Variants in OPCML observed in about 807,000 individuals in gnomAD.
OPCML encodes opioid-binding protein/cell adhesion molecule.
In OPCML, 13 loss-of-function variants were observed where a neutral mutation model predicts 37.8. That is an observed-to-expected ratio of 0.34 (90% CI 0.22 to 0.55). The LOEUF (loss-of-function observed/expected upper bound fraction) is 0.55, where lower values mean the gene tolerates loss of function less well. Among genes scored for constraint, OPCML ranks in the 20% least tolerant of loss-of-function variants. The pLI is 0.91. For synonymous variants in OPCML, 176 were observed against 168.8 expected (o/e 1.04, Z -0.33); for missense variants, 341 against 435.6 (o/e 0.78, Z 1.93).
At chr11:133,487,046 T>C (rs1160173039) in intron 1 of OPCML, among the ~76,000 whole-genome samples, 1 of 152,084 alleles carries the variant, frequency 6.6e-6, no homozygotes, top group African/African-American at 2.4e-5. Context: ...TCATTCTGAT[T>C]ACATCAACAG....
chr11:132,827,341 C>G (rs141332526), intron 2 of OPCML, among the ~76,000 whole-genome samples: 1 of 152,196 alleles, frequency 6.6e-6, no homozygotes, highest in East Asian at 1.9e-4. Flanking sequence ...ATGGGAGTTG[C>G]AAATTTAAAC....
intron 4 of OPCML, among the ~76,000 whole-genome samples, chr11:132,488,774 G>T (rs868328776): frequency 6.6e-6 from 1 of 152,080 alleles, no homozygotes; most frequent in Admixed American, 6.6e-5. Flanking sequence ...AGTACAAAGA[G>T]GTATCATGGT....
intron 1 of OPCML, among the ~76,000 whole-genome samples, chr11:133,041,983 G>A (rs2136947504): frequency 6.6e-6 from 1 of 152,218 alleles, no homozygotes; most frequent in Admixed American, 6.5e-5. Flanking sequence ...AGTCCTGTTG[G>A]CAAACGACCT....
chr11:133,439,066 T>C (rs967605590), intron 1 of OPCML, among the ~76,000 whole-genome samples: 2 of 152,148 alleles, frequency 1.3e-5, no homozygotes, highest in African/African-American at 4.8e-5. Context: ...CTGAGGTCTG[T>C]GGGCCTTTCT....
At chr11:133,140,383 C>T (rs1205414427) in intron 1 of OPCML, among the ~76,000 whole-genome samples, 6 of 147,968 alleles carry the variant, frequency 4.1e-5, no homozygotes, top group South Asian at 4.3e-4. Flanking sequence ...GGTGTGGCAG[C>T]GGGCACCTGT....
At chr11:133,131,869 A>G (rs1258028863) in intron 1 of OPCML, among the ~76,000 whole-genome samples, 1 of 152,182 alleles carries the variant, frequency 6.6e-6, no homozygotes, top group Non-Finnish European at 1.5e-5. Flanking sequence ...GAGAAAAAAT[A>G]GTCCTTTAAA....
chr11:132,863,780 G>A (rs547425057), intron 2 of OPCML, among the ~76,000 whole-genome samples: 2 of 152,266 alleles, frequency 1.3e-5, no homozygotes, highest in South Asian at 2.1e-4. Flanking sequence ...GAATCTACAC[G>A]GGCCTGGCTG....
intron 2 of OPCML, among the ~76,000 whole-genome samples, chr11:132,871,797 G>A (rs190164593): frequency 7.2e-5 from 11 of 152,322 alleles, no homozygotes; most frequent in Admixed American, 3.9e-4. Flanking sequence ...TATTCCAGAA[G>A]AGTAATCATT....
intron 1 of OPCML, among the ~76,000 whole-genome samples, chr11:133,125,095 C>T (rs1949480429): frequency 6.6e-6 from 1 of 152,158 alleles, no homozygotes; most frequent in Non-Finnish European, 1.5e-5. Context: ...TGGAGATATA[C>T]TGATTGGCTA....
chr11:133,221,886 C>T (rs570777094), intron 1 of OPCML, among the ~76,000 whole-genome samples: 1 of 152,180 alleles, frequency 6.6e-6, no homozygotes, highest in Admixed American at 6.5e-5. Flanking sequence ...TCAGAGCAGA[C>T]ACCAAGGATC....
chr11:133,104,252 C>A (rs1454285820), intron 1 of OPCML, among the ~76,000 whole-genome samples: 1 of 152,196 alleles, frequency 6.6e-6, no homozygotes, highest in Non-Finnish European at 1.5e-5. Context: ...CCATGGCAGG[C>A]AGGCAGCAGG....
chr11:132,615,033 A>G (rs1938907130), intron 3 of OPCML, among the ~76,000 whole-genome samples: 1 of 152,240 alleles, frequency 6.6e-6, no homozygotes, highest in South Asian at 2.1e-4. Context: ...CATGTATTTT[A>G]TTCTACCTAT....
At position 132,879,827 on chromosome 11, in the gene OPCML, T is replaced by C. The variant is rs779394708; in HGVS notation, c.146+63099A>G. Among the ~76,000 whole-genome samples the C allele has an allele frequency of 1.1e-3, 165 of 152,360 alleles. 3 individuals are homozygous for C. The highest frequency in any genetic ancestry group is 3.4e-3 in the Middle Eastern group (1 of 294). ...AAGAGCTTACTTCATACATGAGCCA[T>C]TTTGGGAAAACAAAAAAAATACAAA... On this transcript the variant is annotated intron_variant, in intron 2 of 7. Coordinates refer to ENST00000524381, the MANE Select transcript of OPCML (RefSeq NM_001012393.5).
intron 1 of OPCML, among the ~76,000 whole-genome samples, chr11:133,529,599 A>C (rs1206907768): frequency 6.6e-6 from 1 of 152,182 alleles, no homozygotes; most frequent in Non-Finnish European, 1.5e-5. Flanking sequence ...ATTAACCTTA[A>C]AATTACTCTG....
intron 1 of OPCML, chr11:133,297,128 G>A (rs564905456): frequency 2.0e-5 from 3 of 152,276 alleles, no homozygotes; most frequent in Non-Finnish European, 4.4e-5. Context: ...GGATTGACAG[G>A]TAGGTAGGCT....
At chr11:133,202,281 C>T (rs139557919) in intron 1 of OPCML, among the ~76,000 whole-genome samples, 2,060 of 152,236 alleles carry the variant, frequency 0.014, 25 homozygotes, top group Middle Eastern at 0.037. Context: ...CCTACCTGTC[C>T]GCCGAACCCA....
At chr11:133,259,205 G>A (rs75571236) in intron 1 of OPCML, among the ~76,000 whole-genome samples, 1,849 of 152,188 alleles carry the variant, frequency 0.012, 47 homozygotes, top group African/African-American at 0.043. Flanking sequence ...GAAGAGTGTT[G>A]TTTTGTTTTT....
At chr11:132,471,547 A>G (rs1592225092) in intron 4 of OPCML, among the ~76,000 whole-genome samples, 1 of 152,170 alleles carries the variant, frequency 6.6e-6, no homozygotes, top group Non-Finnish European at 1.5e-5. Context: ...ACCTGATTCA[A>G]GTTGGCTCAC....
intron 1 of OPCML, among the ~76,000 whole-genome samples, chr11:133,037,277 C>G (rs4622273): frequency 0.68 from 102,853 of 152,020 alleles, 36,015 homozygotes; most frequent in African/African-American, 0.85. Flanking sequence ...AATCTCAATA[C>G]GTAAGAGTTA....
Sources: gnomAD v4.1 joint callset for allele counts (sites outside exome capture counted in the v4.1 genomes callset) on GRCh38, gnomAD v4.1.1 for gene constraint, MANE v1.5 for transcripts, NCBI Gene and HGNC (gene_info 2026-07-23, HGNC 2026-07-21) for gene names.